Variants in SGMS1 observed in about 807,000 individuals in gnomAD.
SGMS1 encodes the protein sphingomyelin synthase 1, also known as phosphatidylcholine:ceramide cholinephosphotransferase 1.
A neutral mutation model predicts 46.2 loss-of-function variants in SGMS1; 13 were observed. The ratio of observed to expected loss-of-function variants is 0.28; its 90% CI spans 0.18 to 0.45. The LOEUF is 0.45. SGMS1 is among the 20% of genes least tolerant of loss of function. The pLI is 1.00. For missense variants in SGMS1, 324 were observed against 519.9 expected, an observed-to-expected ratio of 0.62 and a Z score of 3.66; for synonymous variants, 203 against 187.8, an observed-to-expected ratio of 1.08 and a Z score of -0.66.
chr10:50,489,554 C>T (rs1336749988), intron 3 of SGMS1, among the ~76,000 whole-genome samples: 1 of 152,194 alleles, frequency 6.6e-6, no homozygotes. Context: ...AAGGGAAAGA[C>T]CATGTTTGAA....
At chr10:50,562,918 T>C (rs1838254591) in intron 2 of SGMS1, among the ~76,000 whole-genome samples, 1 of 152,150 alleles carries the variant, frequency 6.6e-6, no homozygotes, top group Admixed American at 6.5e-5. Context: ...TGATTCCAGG[T>C]GCACTCTCTG....
At chr10:50,624,266 G>C (rs1015190123), upstream of SGMS1, 1 of 354,894 alleles carries the variant, frequency 2.8e-6, no homozygotes, top group Middle Eastern at 1.4e-3. Context: ...GGGCAGGGCC[G>C]GAGACGGGAG....
At chr10:50,373,361 G>A (rs1848471996) in intron 6 of SGMS1, among the ~76,000 whole-genome samples, 1 of 152,178 alleles carries the variant, frequency 6.6e-6, no homozygotes, top group South Asian at 2.1e-4. Context: ...AGGCATCACT[G>A]TCCTAAGTTG....
chr10:50,560,827 C>T (rs1838230585), intron 2 of SGMS1, among the ~76,000 whole-genome samples: 1 of 151,962 alleles, frequency 6.6e-6, no homozygotes, highest in Non-Finnish European at 1.5e-5. Flanking sequence ...GGTGTTAATG[C>T]CAGACACTGA....
intron 5 of SGMS1, among the ~76,000 whole-genome samples, chr10:50,441,530 A>G (rs1849546588): frequency 6.6e-6 from 1 of 152,246 alleles, no homozygotes; most frequent in Admixed American, 6.5e-5. Context: ...AAAAAAAAGG[A>G]AACCAAAACT....
chr10:50,624,993 C>T (rs12763727), upstream of SGMS1: 9 of 1,026,874 alleles, frequency 8.8e-6, no homozygotes, highest in Non-Finnish European at 1.1e-5. Context: ...CGGAACCGAC[C>T]TGGGAGCTGG....
chr10:50,390,316 A>C (rs1014378616), intron 6 of SGMS1, among the ~76,000 whole-genome samples: 1 of 152,234 alleles, frequency 6.6e-6, no homozygotes, highest in Non-Finnish European at 1.5e-5. Flanking sequence ...CAAAGTACAC[A>C]AATGTTTAGA....
At chr10:50,582,274 C>A (rs1457868980) in intron 2 of SGMS1, among the ~76,000 whole-genome samples, 1 of 152,198 alleles carries the variant, frequency 6.6e-6, no homozygotes, top group East Asian at 1.9e-4. Context: ...AAGACCCTCC[C>A]TAGATGTCTG....
At chr10:50,476,589 G>A (rs1031978575) in intron 3 of SGMS1, among the ~76,000 whole-genome samples, 2 of 152,226 alleles carry the variant, frequency 1.3e-5, no homozygotes, top group African/African-American at 4.8e-5. Context: ...TGCCTCCAAT[G>A]CACTTCAGAG....
chr10:50,443,332 G>T (rs1457516238), intron 5 of SGMS1, among the ~76,000 whole-genome samples: 2 of 152,038 alleles, frequency 1.3e-5, no homozygotes, highest in Admixed American at 6.6e-5. Context: ...AAAGTTTGTG[G>T]TTTTTGTCTG....
At chr10:50,620,464 C>T (rs1237182947) in intron 1 of SGMS1, among the ~76,000 whole-genome samples, 7 of 152,192 alleles carry the variant, frequency 4.6e-5, no homozygotes, top group Non-Finnish European at 8.8e-5. Context: ...ACACAAGAGC[C>T]ACTGAATAGT....
At chr10:50,586,814 T>C (rs1222403518) in intron 2 of SGMS1, among the ~76,000 whole-genome samples, 1 of 152,226 alleles carries the variant, frequency 6.6e-6, no homozygotes, top group Non-Finnish European at 1.5e-5. Flanking sequence ...CTATTTCCAC[T>C]ATAACCATGA....
intron 2 of SGMS1, among the ~76,000 whole-genome samples, chr10:50,573,554 G>A (rs1838353898): frequency 6.6e-6 from 1 of 152,152 alleles, no homozygotes; most frequent in Non-Finnish European, 1.5e-5. Flanking sequence ...TTCATGGATA[G>A]GAAGAATTAA....
At chr10:50,503,547 T>C (rs12261287) in intron 3 of SGMS1, among the ~76,000 whole-genome samples, 6,761 of 152,224 alleles carry the variant, frequency 0.044, 509 homozygotes, top group African/African-American at 0.15. Flanking sequence ...ACTGTAATTT[T>C]CCTTTACCTA....
chr10:50,524,212 A>G (rs531689927), intron 2 of SGMS1, among the ~76,000 whole-genome samples: 15 of 152,292 alleles, frequency 9.8e-5, no homozygotes, highest in South Asian at 8.3e-4. Flanking sequence ...ACAGATCACA[A>G]TGTCTCCTGT....
chr10:50,418,892 T>C (rs182660039), intron 6 of SGMS1, among the ~76,000 whole-genome samples: 27 of 152,342 alleles, frequency 1.8e-4, no homozygotes, highest in African/African-American at 6.5e-4. Context: ...GCAGTTTCTC[T>C]TTCTGCTGTG....
intron 3 of SGMS1, among the ~76,000 whole-genome samples, chr10:50,516,428 T>C (rs1400486256): frequency 6.6e-6 from 1 of 152,170 alleles, no homozygotes. Context: ...CGTTTATATC[T>C]AAGACTCTGC....
At chr10:50,592,523 C>T (rs1229562554) in intron 1 of SGMS1, among the ~76,000 whole-genome samples, 1 of 152,116 alleles carries the variant, frequency 6.6e-6, no homozygotes, top group African/African-American at 2.4e-5. Flanking sequence ...GGAGAATTCT[C>T]TTCAAAATCA....
intron 2 of SGMS1, among the ~76,000 whole-genome samples, chr10:50,568,677 A>C (rs1334940090): frequency 6.6e-6 from 1 of 152,222 alleles, no homozygotes; most frequent in Non-Finnish European, 1.5e-5. Flanking sequence ...CATATCAAAA[A>C]AAAGTAAAGT....
Sources: allele counts gnomAD v4.1 joint callset (sites outside exome capture counted in the v4.1 genomes callset), GRCh38; gene constraint gnomAD v4.1.1; transcripts MANE v1.5; gene names NCBI Gene and HGNC (gene_info 2026-07-23, HGNC 2026-07-21).